The following TGFB2 variants were observed in gnomAD, a reference collection of about 807,000 sequenced individuals.
TGFB2 encodes transforming growth factor beta-2 proprotein.
Under a neutral mutation model 42.7 loss-of-function variants are expected in TGFB2, and 13 were observed. The observed-to-expected ratio is 0.30, with a 90% CI of 0.20 to 0.48. TGFB2 has a LOEUF of 0.48. TGFB2 is among the 20% of genes least tolerant of loss of function. The pLI, the probability that TGFB2 is intolerant of heterozygous loss-of-function variation, is 0.99. For synonymous variants in TGFB2, 193 were observed against 193.6 expected (o/e 1.00, Z 0.03); for missense variants, 390 against 517.5 (o/e 0.75, Z 2.39).
rs10482819 is a variant in TGFB2 at position 218,436,394 on chromosome 1, G to A, written c.932+247G>A. On this transcript the variant is annotated intron_variant, in intron 5 of 6. Coordinates refer to ENST00000366930, the MANE Select transcript of TGFB2 (RefSeq NM_003238.6). ...ATTTTTTCCCCAAAATTCCTCTGAA[G>A]TTCTTTGGTGCTGAAGAAGAAAACA... Among the ~76,000 whole-genome samples the A allele has an allele frequency of 0.031, 4,751 of 152,218 alleles. 83 individuals are homozygous for A. Among genetic ancestry groups the A allele is most frequent in the Non-Finnish European group, 0.045 (3,092 of 68,004 alleles).
At chr1:218,419,933 T>C (rs1223232962) in intron 2 of TGFB2, among the ~76,000 whole-genome samples, 2 of 152,240 alleles carry the variant, frequency 1.3e-5, no homozygotes, top group East Asian at 1.9e-4. Context: ...ACAAGCTCTT[T>C]ATTTATTTAT....
chr1:218,378,871 A>G (rs1392571431), intron 1 of TGFB2, among the ~76,000 whole-genome samples: 2 of 152,078 alleles, frequency 1.3e-5, no homozygotes, highest in Non-Finnish European at 2.9e-5. Flanking sequence ...AGGAGAGGAA[A>G]GGCGGGTAAT....
chr1:218,413,462 G>A (rs1202557546), intron 2 of TGFB2, among the ~76,000 whole-genome samples: 2 of 152,142 alleles, frequency 1.3e-5, no homozygotes. Flanking sequence ...CTTGACTGTG[G>A]CCTGAGAAGG....
intron 1 of TGFB2, among the ~76,000 whole-genome samples, chr1:218,361,788 G>C (rs534579402): frequency 1.2e-4 from 19 of 152,288 alleles, no homozygotes; most frequent in African/African-American, 4.3e-4. Flanking sequence ...TTTGCTGACT[G>C]GTTATTTGAG....
At chr1:218,351,513 C>A (rs894921770) in intron 1 of TGFB2, among the ~76,000 whole-genome samples, 3 of 152,132 alleles carry the variant, frequency 2.0e-5, no homozygotes, top group African/African-American at 7.2e-5. Context: ...TCAGGATTTC[C>A]TCTTTTTTTT....
chr1:218,347,966 G>A (rs150897698), intron 1 of TGFB2, among the ~76,000 whole-genome samples: 46 of 147,444 alleles, frequency 3.1e-4, no homozygotes, highest in African/African-American at 1.1e-3. Context: ...GCTTCTCTGA[G>A]AACAGTGTCC....
At chr1:218,430,824 G>A (rs1195975752) in intron 2 of TGFB2, among the ~76,000 whole-genome samples, 1 of 152,176 alleles carries the variant, frequency 6.6e-6, no homozygotes, top group African/African-American at 2.4e-5. Context: ...ATCCTTGTTA[G>A]CAACCCAAAT....
At chr1:218,405,365 TTG>T in intron 2 of TGFB2, 33 bp downstream of exon 2, 1 of 1,611,870 alleles carries the variant, frequency 6.2e-7, no homozygotes, top group African/African-American at 1.3e-5. Flanking sequence ...GTTGTTGTTG[TTG>T]TTGTTGTTTT....
rs868385461 is a variant in TGFB2 at position 218,346,162 on chromosome 1, A to T, written c.-540A>T. 9.6e-5 allele frequency: 15 copies of T among 156,422 alleles called. No individual in the cohort carries two copies. The South Asian group carries it at 2.7e-3, about 28-fold the overall frequency. 9.7% of individuals were successfully genotyped at this position (156,422 alleles called of 1,614,324 possible). A position where few individuals can be genotyped will look rare whatever the true frequency, so the allele number is the denominator to read the frequency against. ...AGCGCCGCAGTGGAAGGCAGGACCG[A>T]ACCGCTCCTTCTTTAAATATATAAA... On this transcript the variant is annotated 5_prime_UTR_variant, in exon 1 of 7. Transcript: ENST00000366930. This position sits in a 1 kb window ranked among gnomAD's most constrained non-coding sequence, Gnocchi z 4.9.
intron 2 of TGFB2, among the ~76,000 whole-genome samples, chr1:218,431,380 A>C (rs2102623369): frequency 6.6e-6 from 1 of 152,274 alleles, no homozygotes; most frequent in South Asian, 2.1e-4. Flanking sequence ...CTTTTCTATA[A>C]GGTGGAAGAT....
chr1:218,362,266 G>A (rs1181237808), intron 1 of TGFB2, among the ~76,000 whole-genome samples: 2 of 152,174 alleles, frequency 1.3e-5, no homozygotes, highest in African/African-American at 2.4e-5. Flanking sequence ...TCTAGAAGAC[G>A]TGCTCTATAA....
At position 218,443,026 on chromosome 1, in the gene TGFB2, CA is replaced by C. The variant is rs2102636956; in HGVS notation, c.*1668del. 6.6e-6 allele frequency: 1 copy of C among 152,016 alleles called. No individual in the cohort carries two copies. The highest frequency in any genetic ancestry group is 2.1e-4 in the South Asian group (1 of 4,810). 9.4% of individuals were successfully genotyped at this position (152,016 alleles called of 1,614,324 possible). ...AAGATATATATTTTAGTCGATTTTT[CA>C]AAAGGGGAAAAAAGTCCAGGTCAGC... is the stretch of plus-strand genomic sequence containing the variant. On this transcript the variant is annotated 3_prime_UTR_variant, in exon 7 of 7. Coordinates refer to ENST00000366930, the MANE Select transcript of TGFB2 (RefSeq NM_003238.6).
At chr1:218,415,688 C>CT (rs1312060082) in intron 2 of TGFB2, among the ~76,000 whole-genome samples, 2 of 105,898 alleles carry the variant, frequency 1.9e-5, no homozygotes, top group Non-Finnish European at 3.3e-5. Flanking sequence ...GAGCGAGACT[C>CT]TGTCTCAAAA....
At chr1:218,375,541 A>G (rs1359265102) in intron 1 of TGFB2, among the ~76,000 whole-genome samples, 1 of 152,026 alleles carries the variant, frequency 6.6e-6, no homozygotes, top group East Asian at 1.9e-4. Context: ...GTAAATTGTC[A>G]TTCATTCAAT....
At chr1:218,349,846 C>A (rs1656811971) in intron 1 of TGFB2, among the ~76,000 whole-genome samples, 1 of 152,220 alleles carries the variant, frequency 6.6e-6, no homozygotes, top group East Asian at 1.9e-4. Flanking sequence ...TGGCCAGGTG[C>A]CAATCTCCTA....
At chr1:218,427,494 C>G (rs1171124359) in intron 2 of TGFB2, among the ~76,000 whole-genome samples, 1 of 152,138 alleles carries the variant, frequency 6.6e-6, no homozygotes, top group Non-Finnish European at 1.5e-5. Context: ...CTCCCCCCAC[C>G]TCAGGACAAG....
At chr1:218,425,639 G>A (rs1659598140) in intron 2 of TGFB2, among the ~76,000 whole-genome samples, 1 of 152,178 alleles carries the variant, frequency 6.6e-6, no homozygotes, top group African/African-American at 2.4e-5. Flanking sequence ...CAAATATGAG[G>A]CAATGGCGCT....
chr1:218,352,845 C>G (rs1293581725), intron 1 of TGFB2, among the ~76,000 whole-genome samples: 1 of 152,192 alleles, frequency 6.6e-6, no homozygotes, highest in African/African-American at 2.4e-5. Context: ...ATTTGATACT[C>G]TACTGAGTTT....
chr1:218,367,533 A>G (rs1657425445), intron 1 of TGFB2, among the ~76,000 whole-genome samples: 1 of 152,226 alleles, frequency 6.6e-6, no homozygotes, highest in African/African-American at 2.4e-5. Flanking sequence ...ACAACTGTAC[A>G]GTATGGATAT....
Sources: gnomAD v4.1 joint callset for allele counts (sites outside exome capture counted in the v4.1 genomes callset) on GRCh38, gnomAD v4.1.1 for gene constraint, Gnocchi (gnomAD v3.1) non-coding constraint, MANE v1.5 for transcripts, NCBI Gene and HGNC (gene_info 2026-07-23, HGNC 2026-07-21) for gene names.